Variants in GMDS observed in about 807,000 individuals in gnomAD.
GMDS encodes GDP-mannose 4,6-dehydratase, also known as GDP-mannose 4,6 dehydratase.
A neutral mutation model predicts 49.9 loss-of-function variants in GMDS; 20 were observed. The observed-to-expected ratio is 0.40, with a 90% confidence interval of 0.28 to 0.58. The LOEUF (loss-of-function observed/expected upper bound fraction) is 0.58. GMDS is among the 20% of genes least tolerant of loss of function. GMDS has a pLI of 0.42. For missense variants in GMDS, 362 were observed against 481.4 expected, an observed-to-expected ratio of 0.75 and a Z score of 2.32; for synonymous variants, 177 against 178.6, an observed-to-expected ratio of 0.99 and a Z score of 0.07.
chr6:2,235,633 C>T (rs1781322151), intron 1 of GMDS, among the ~76,000 whole-genome samples: 1 of 150,676 alleles, frequency 6.6e-6, no homozygotes, highest in Non-Finnish European at 1.5e-5. Flanking sequence ...CGGCAAGACC[C>T]CATCTTAACA....
chr6:2,025,483 C>G (rs1260907542), intron 4 of GMDS, among the ~76,000 whole-genome samples: 1 of 147,936 alleles, frequency 6.8e-6, no homozygotes, highest in African/African-American at 2.5e-5. Context: ...ATATTTAGAA[C>G]CAATACACAT....
intron 9 of GMDS, among the ~76,000 whole-genome samples, chr6:1,671,090 C>A (rs1016247780): frequency 6.6e-6 from 1 of 152,192 alleles, no homozygotes. Flanking sequence ...AGGCAAAGAT[C>A]TGATGGCAGC....
chr6:1,649,757 G>C (rs1220064170), intron 9 of GMDS, among the ~76,000 whole-genome samples: 1 of 152,178 alleles, frequency 6.6e-6, no homozygotes, highest in South Asian at 2.1e-4. Flanking sequence ...TTTAAAGAAA[G>C]TTTATTGCCT....
chr6:2,161,107 G>A (rs905496979), intron 1 of GMDS, among the ~76,000 whole-genome samples: 1 of 151,830 alleles, frequency 6.6e-6, no homozygotes, highest in Non-Finnish European at 1.5e-5. Context: ...TGCCTCCCAG[G>A]TTCAAGCAAT....
At chr6:1,832,350 G>A (rs1247055812) in intron 7 of GMDS, among the ~76,000 whole-genome samples, 1 of 151,866 alleles carries the variant, frequency 6.6e-6, no homozygotes, top group East Asian at 2.0e-4. Context: ...TTATGATTGA[G>A]CCACTGCACT....
chr6:2,021,548 C>G (rs935936985), intron 4 of GMDS, among the ~76,000 whole-genome samples: 1 of 152,014 alleles, frequency 6.6e-6, no homozygotes, highest in South Asian at 2.1e-4. Flanking sequence ...AGTAAAGATA[C>G]AAGGTGGAAA....
intron 4 of GMDS, among the ~76,000 whole-genome samples, chr6:2,084,995 C>T (rs1772929112): frequency 6.6e-6 from 1 of 152,066 alleles, no homozygotes; most frequent in South Asian, 2.1e-4. Flanking sequence ...TTTAGCAACC[C>T]TATCATTTTT....
At position 1,779,588 on chromosome 6, in the gene GMDS, G is replaced by A. The variant is rs146773847; in HGVS notation, c.772-37002C>T. Reference sequence around the variant, plus strand: ...ATCCTCATGTCCTCCATGAGTGTGCGTCTGTGTGAAAACGAATGTCCTCTG... The same window carrying A: ...ATCCTCATGTCCTCCATGAGTGTGCATCTGTGTGAAAACGAATGTCCTCTG... On this transcript the variant is annotated intron_variant, in intron 7 of 10. Transcript: ENST00000380815. Among the ~76,000 whole-genome samples, 16 of 152,232 alleles carry A rather than the reference G, an allele frequency of 1.1e-4. No individual in the cohort carries two copies. The South Asian group carries it at 2.1e-3, about 20-fold the overall frequency.
At position 2,219,525 on chromosome 6, in the gene GMDS, T is replaced by A. The variant is rs145872748; in HGVS notation, c.102+25796A>T. Among the ~76,000 whole-genome samples, 338 of 152,270 alleles carry A rather than the reference T, an allele frequency of 2.2e-3. 3 individuals are homozygous for A. The highest frequency in any genetic ancestry group is 7.7e-3 in the African/African-American group (318 of 41,546). On this transcript the variant is annotated intron_variant, in intron 1 of 10. Transcript: ENST00000380815. Reference sequence around the variant, plus strand: ...ATCCTCATTTTAAATTTCTAATCCATCATGAACTGGTTCTTTTGTAAAATA... The same window carrying A: ...ATCCTCATTTTAAATTTCTAATCCAACATGAACTGGTTCTTTTGTAAAATA...
At chr6:2,183,308 A>G (rs1257602545) in intron 1 of GMDS, among the ~76,000 whole-genome samples, 1 of 151,930 alleles carries the variant, frequency 6.6e-6, no homozygotes, top group Admixed American at 6.6e-5. Flanking sequence ...AGCAACATTA[A>G]CATAAGTTTG....
chr6:1,644,075 C>G (rs1041773730), intron 9 of GMDS, among the ~76,000 whole-genome samples: 2 of 152,148 alleles, frequency 1.3e-5, no homozygotes, highest in African/African-American at 4.8e-5. Flanking sequence ...CCCGTGTCCT[C>G]GGCCTGCTCT....
Position 2,133,891 on chromosome 6 carries a change from C to T in GMDS, c.103-9160G>A, listed in dbSNP as rs530081341. Reference sequence around the variant, plus strand: ...AGGCAAGGAGAGCTCCAAGTTAGCACAAAGAATGTTGATTTCACCGGGGTG... The same window carrying T: ...AGGCAAGGAGAGCTCCAAGTTAGCATAAAGAATGTTGATTTCACCGGGGTG... On this transcript the variant is annotated intron_variant, in intron 1 of 10. Coordinates refer to ENST00000380815, the MANE Select transcript of GMDS (RefSeq NM_001500.4). 9.2e-4 allele frequency among the ~76,000 whole-genome samples: 140 copies of T among 152,260 alleles called. 1 individual carries two copies. The highest frequency in any genetic ancestry group is 3.2e-3 in the African/African-American group (132 of 41,550).
At chr6:1,886,985 C>A (rs1346864056) in intron 7 of GMDS, among the ~76,000 whole-genome samples, 1 of 152,160 alleles carries the variant, frequency 6.6e-6, no homozygotes, top group Non-Finnish European at 1.5e-5. Flanking sequence ...TGCACTTATA[C>A]AGATGTTCTC....
At chr6:1,992,418 C>A (rs570656506) in intron 4 of GMDS, among the ~76,000 whole-genome samples, 1 of 152,294 alleles carries the variant, frequency 6.6e-6, no homozygotes, top group African/African-American at 2.4e-5. Flanking sequence ...TGCTCCACTG[C>A]CATTTTCCCA....
intron 1 of GMDS, among the ~76,000 whole-genome samples, chr6:2,218,039 G>A (rs1487636449): frequency 1.3e-5 from 2 of 152,206 alleles, no homozygotes; most frequent in East Asian, 1.9e-4. Flanking sequence ...GGTTTGTCAA[G>A]TGAGTATTCA....
intron 1 of GMDS, among the ~76,000 whole-genome samples, chr6:2,139,773 G>C (rs114984293): frequency 6.6e-6 from 1 of 152,182 alleles, no homozygotes; most frequent in South Asian, 2.1e-4. Flanking sequence ...AACAGCACAG[G>C]GTTTCATGAG....
At chr6:2,087,607 T>G (rs1773084725) in intron 4 of GMDS, among the ~76,000 whole-genome samples, 2 of 152,216 alleles carry the variant, frequency 1.3e-5, no homozygotes, top group Admixed American at 6.5e-5. Flanking sequence ...TTATTCTCAG[T>G]ACCCAGAAAA....
intron 4 of GMDS, among the ~76,000 whole-genome samples, chr6:2,061,762 C>G (rs1301343118): frequency 6.7e-6 from 1 of 149,510 alleles, no homozygotes; most frequent in African/African-American, 2.5e-5. Flanking sequence ...GGTTACCAAC[C>G]CTCATTATTT....
chr6:2,064,587 A>C (rs1771419792), intron 4 of GMDS, among the ~76,000 whole-genome samples: 1 of 152,058 alleles, frequency 6.6e-6, no homozygotes, highest in African/African-American at 2.4e-5. Context: ...GATTCCCTAC[A>C]ATTTCTTCTA....
Sources: gnomAD v4.1 joint callset for allele counts (sites outside exome capture counted in the v4.1 genomes callset) on GRCh38, gnomAD v4.1.1 for gene constraint, MANE v1.5 for transcripts, NCBI Gene and HGNC (gene_info 2026-07-23, HGNC 2026-07-21) for gene names.